Variants in PHKB observed in about 807,000 individuals in gnomAD.
The protein encoded by PHKB is phosphorylase kinase regulatory subunit beta.
PHKB carries 122 observed loss-of-function variants against 152.1 expected under a neutral mutation model. The observed-to-expected ratio is 0.80, with a 90% CI of 0.69 to 0.93. The LOEUF is 0.93. PHKB is among the 40% of genes least tolerant of loss of function. The pLI is 0.00. For missense variants in PHKB, 1,304 were observed against 1,328.4 expected (o/e 0.98, Z 0.29); for synonymous variants, 436 against 464.9 (o/e 0.94, Z 0.80).
At chr16:47,548,690 C>A (rs556338268) in intron 7 of PHKB, among the ~76,000 whole-genome samples, 4 of 151,730 alleles carry the variant, frequency 2.6e-5, no homozygotes, top group Non-Finnish European at 4.4e-5. Context: ...AGACTAATCA[C>A]ACACACAAAA....
intron 13 of PHKB, among the ~76,000 whole-genome samples, chr16:47,607,383 T>C (rs2151707482): frequency 6.6e-6 from 1 of 152,288 alleles, no homozygotes; most frequent in Non-Finnish European, 1.5e-5. Flanking sequence ...GCCTACTCTC[T>C]AATTCTATAG....
At chr16:47,573,997 G>A (rs797012886) in intron 7 of PHKB, among the ~76,000 whole-genome samples, 1 of 152,124 alleles carries the variant, frequency 6.6e-6, no homozygotes, top group Non-Finnish European at 1.5e-5. Context: ...TTGGCTCACT[G>A]CAACCTCCAC....
intron 10 of PHKB, among the ~76,000 whole-genome samples, chr16:47,592,882 A>G (rs1972052516): frequency 6.6e-6 from 1 of 152,202 alleles, no homozygotes; most frequent in Non-Finnish European, 1.5e-5. Flanking sequence ...ACTGCTTACA[A>G]AATCAGTTCA....
chr16:47,497,633 C>T, intron 2 of PHKB, 145 bp downstream of exon 2: 1 of 672,678 alleles, frequency 1.5e-6, no homozygotes, highest in South Asian at 1.6e-5. Context: ...GCTGTGTATT[C>T]CAATTGTATG....
chr16:47,462,194 G>A (rs1969576661), intron 1 of PHKB: 1 of 152,200 alleles, frequency 6.6e-6, no homozygotes, highest in Admixed American at 6.5e-5. Flanking sequence ...CAAAAGGCAT[G>A]CACTTAAACA....
In PHKB at chr16:47,696,504, T is replaced by C. The variant is rs1240931053; in HGVS notation, c.3003+16T>C. 7.7e-7 allele frequency: 1 copy of C among 1,306,200 alleles called. No individual in the cohort carries two copies. The highest frequency in any genetic ancestry group is 2.3e-5 in the East Asian group (1 of 43,528). The allele number at this position is 1,306,200 out of a possible 1,614,324, so 80.9% of individuals were successfully genotyped here. On this transcript the variant is annotated intron_variant, in intron 29 of 30. Coordinates refer to ENST00000323584, the MANE Select transcript of PHKB (RefSeq NM_000293.3). ...CGTTGTAGAGGTGAGTAGTAAGAAA[T>C]GAAGATTGCTGAATAAATGCCTTCT... is the stretch of plus-strand genomic sequence containing the variant.
chr16:47,522,746 T>A (rs903471131), intron 6 of PHKB, among the ~76,000 whole-genome samples: 1 of 151,910 alleles, frequency 6.6e-6, no homozygotes, highest in African/African-American at 2.4e-5. Flanking sequence ...TTTTATTCAT[T>A]CATCTCAATG....
intron 7 of PHKB, chr16:47,547,938 C>A (rs767057013): frequency 1.2e-5 from 3 of 257,860 alleles, no homozygotes; most frequent in Non-Finnish European, 2.3e-5. Flanking sequence ...TATAAAATTT[C>A]CTTCCATGTT....
chr16:47,639,945 G>A (rs1972987556), intron 14 of PHKB, among the ~76,000 whole-genome samples: 1 of 152,112 alleles, frequency 6.6e-6, no homozygotes, highest in Non-Finnish European at 1.5e-5. Context: ...ATTTAATTGT[G>A]AGGTCTTTAT....
intron 14 of PHKB, among the ~76,000 whole-genome samples, chr16:47,628,421 A>G (rs977276992): frequency 4.6e-5 from 7 of 152,130 alleles, no homozygotes; most frequent in African/African-American, 1.7e-4. Flanking sequence ...AGTCCCAGCT[A>G]CTTGGGAGGC....
intron 26 of PHKB, among the ~76,000 whole-genome samples, chr16:47,683,450 A>G (rs1973901274): frequency 6.6e-6 from 1 of 152,130 alleles, no homozygotes; most frequent in Non-Finnish European, 1.5e-5. Flanking sequence ...TACCTAATCA[A>G]GCCTTGGCAA....
At chr16:47,593,623 T>C in intron 11 of PHKB, 66 bp downstream of exon 11, 1 of 966,088 alleles carries the variant, frequency 1.0e-6, no homozygotes, top group Non-Finnish European at 1.7e-6. Context: ...AGGATTTAAG[T>C]GGTTTAAAGA....
At chr16:47,528,947 A>G (rs911730789) in intron 6 of PHKB, among the ~76,000 whole-genome samples, 7 of 151,410 alleles carry the variant, frequency 4.6e-5, no homozygotes, top group South Asian at 4.2e-4. Context: ...ACCCACCTCA[A>G]CCTCCCAAAG....
chr16:47,680,607 TG>T (rs756103126), intron 26 of PHKB, among the ~76,000 whole-genome samples: 9 of 152,324 alleles, frequency 5.9e-5, no homozygotes, highest in Non-Finnish European at 1.2e-4. Flanking sequence ...GTGGGATCGG[TG>T]GTGATATCCC....
chr16:47,590,636 C>T (rs1453716439), intron 10 of PHKB: 2 of 150,704 alleles, frequency 1.3e-5, no homozygotes, highest in Admixed American at 6.6e-5. Flanking sequence ...AACTAACTAC[C>T]ACCTCGCACA....
chr16:47,686,136 CA>C lies in PHKB; in HGVS notation c.2631-2903del, dbSNP rs1261297719. Among the ~76,000 whole-genome samples the C allele has an allele frequency of 5.3e-5, 8 of 152,058 alleles. No individual in the cohort carries two copies. The East Asian group carries it at 1.5e-3, about 29-fold the overall frequency. ...TCATGATTTTTGAGAACAGTGTTGT[CA>C]ATAATTTGCCCACAAAACTGCTGAG... On this transcript the variant is annotated intron_variant, in intron 26 of 30. Transcript: ENST00000323584.
At chr16:47,683,979 A>T (rs571285228) in intron 26 of PHKB, among the ~76,000 whole-genome samples, 13 of 152,062 alleles carry the variant, frequency 8.5e-5, no homozygotes, top group Admixed American at 3.9e-4. Flanking sequence ...ATGATTATTT[A>T]AAAAAAATTA....
rs563724630 is a variant in PHKB at position 47,682,315 on chromosome 16, T to C, written c.2631-6726T>C. 2.6e-5 allele frequency among the ~76,000 whole-genome samples: 4 copies of C among 152,340 alleles called. No homozygotes were observed. The South Asian group carries it at 6.2e-4, about 24-fold the overall frequency. ...GGATCTGAATATTGGTCTGCGTTGC[T>C]AGATTGGGGAAGTATTGTCCTGGAT... On this transcript the variant is annotated intron_variant, in intron 26 of 30. Coordinates refer to ENST00000323584, the MANE Select transcript of PHKB (RefSeq NM_000293.3).
intron 8 of PHKB, 23 bp from the exon 9 acceptor site, chr16:47,587,644 AT>A: frequency 6.4e-7 from 1 of 1,569,972 alleles, no homozygotes; most frequent in Non-Finnish European, 8.8e-7. Context: ...AATTTAGGAA[AT>A]GTTTTTCTTT....
Sources: allele counts gnomAD v4.1 joint callset (sites outside exome capture counted in the v4.1 genomes callset), GRCh38; gene constraint gnomAD v4.1.1; transcripts MANE v1.5; gene names NCBI Gene and HGNC (gene_info 2026-07-23, HGNC 2026-07-21).